VPS13D: variants seen among roughly 807,000 people sequenced by gnomAD.
VPS13D encodes the protein vacuolar protein sorting 13 homolog D.
A neutral mutation model predicts 461.9 loss-of-function variants in VPS13D; 187 were observed. The observed-to-expected ratio is 0.40, with a 90% CI of 0.36 to 0.46. The LOEUF (loss-of-function observed/expected upper bound fraction) is 0.46, where lower values mean the gene tolerates loss of function less well. VPS13D is among the 20% of genes least tolerant of loss of function. The probability of loss-of-function intolerance (pLI) is 0.60; values close to 1 mark genes in which losing one functional copy is unlikely to be tolerated. For missense variants in VPS13D, 4,711 were observed against 5,364.9 expected, an observed-to-expected ratio of 0.88 and a Z score of 3.81; for synonymous variants, 1,951 against 1,986.3, an observed-to-expected ratio of 0.98 and a Z score of 0.47.
chr1:12,385,421 A>G (rs1444886767), intron 59 of VPS13D, 48 bp downstream of exon 59: 3 of 1,496,556 alleles, frequency 2.0e-6, no homozygotes, highest in Non-Finnish European at 2.7e-6. Context: ...TCAGTTTTTT[A>G]GAATTTTACT....
chr1:12,467,288 C>G (rs1270531900), intron 67 of VPS13D, among the ~76,000 whole-genome samples: 2 of 152,246 alleles, frequency 1.3e-5, no homozygotes, highest in Non-Finnish European at 2.9e-5. Flanking sequence ...TCTCCTGCCT[C>G]AGCCTCCAAA....
intron 2 of VPS13D, among the ~76,000 whole-genome samples, chr1:12,239,454 C>G (rs1318780490): frequency 6.6e-6 from 1 of 152,176 alleles, no homozygotes; most frequent in Non-Finnish European, 1.5e-5. Flanking sequence ...TGGATTTTAG[C>G]AGGATTTCCA....
At position 12,511,655 on chromosome 1, in the gene VPS13D, C is replaced by G. The variant is rs1465782598; in HGVS notation, c.*2631C>G. 2.0e-5 allele frequency: 3 copies of G among 152,276 alleles called. No homozygotes were observed. The highest frequency in any genetic ancestry group is 4.8e-5 in the African/African-American group (2 of 41,468). 9.4% of individuals were successfully genotyped at this position (152,276 alleles called of 1,614,324 possible). A position where few individuals can be genotyped will look rare whatever the true frequency, so the allele number is the denominator to read the frequency against. On this transcript the variant is annotated 3_prime_UTR_variant, in exon 70 of 70. Transcript: ENST00000620676. This position sits in a 1 kb window ranked among gnomAD's most constrained non-coding sequence, Gnocchi z 4.5. ...AAAGCTACCCAGTCCCTTGACCCAG[C>G]ACAGTTGGCCGACCCGTGTCACTCC...
intron 1 of VPS13D, among the ~76,000 whole-genome samples, chr1:12,232,502 T>C (rs1640010418): frequency 6.6e-6 from 1 of 152,202 alleles, no homozygotes; most frequent in Non-Finnish European, 1.5e-5. Flanking sequence ...GGCTGATGAC[T>C]GACATGGTGG....
chr1:12,366,388 CT>C (rs1229025395), intron 52 of VPS13D, among the ~76,000 whole-genome samples: 1 of 152,128 alleles, frequency 6.6e-6, no homozygotes, highest in African/African-American at 2.4e-5. Flanking sequence ...CCAAGGGAGC[CT>C]ATTGGGTAGG....
At chr1:12,367,818 A>C (rs1380064529) in intron 52 of VPS13D, 1 of 152,222 alleles carries the variant, frequency 6.6e-6, no homozygotes, top group Non-Finnish European at 1.5e-5. Flanking sequence ...TGTGTTAGCC[A>C]GGATGGTCTC....
rs776264916 is a variant in VPS13D at position 12,283,728 on chromosome 1, G to A, written c.5626G>A (p.Asp1876Asn). Residue 1876 changes from aspartate (D) to asparagine (N), a missense_variant, in exon 21 of 70, where the codon GAT (aspartate) becomes AAT (asparagine). By Grantham distance (23) the Asp-to-Asn change is conservative. Coordinates refer to ENST00000620676, the MANE Select transcript of VPS13D (RefSeq NM_015378.4). ...TCAGGATCCAGTGAACACCAAACTG[G>A]ATCTCAAGGTATCCTCAGTTCCCTT... ...GLQDPVNTKL[D>N]LKVHSLSLVL... is the part of the protein sequence containing the mutation. The A allele has an allele frequency of 2.5e-6, 4 of 1,611,346 alleles. No homozygotes were observed. The highest frequency in any genetic ancestry group is 2.5e-6 in the Non-Finnish European group (3 of 1,178,164).
At chr1:12,391,894 T>C (rs1341357351) in intron 60 of VPS13D, among the ~76,000 whole-genome samples, 1 of 152,122 alleles carries the variant, frequency 6.6e-6, no homozygotes, top group African/African-American at 2.4e-5. Context: ...AGAATCTTGC[T>C]CTGTCACCCA....
At chr1:12,385,806 A>G (rs889190963) in intron 59 of VPS13D, among the ~76,000 whole-genome samples, 8 of 152,238 alleles carry the variant, frequency 5.3e-5, no homozygotes, top group Non-Finnish European at 1.2e-4. Context: ...TCAAATGCCT[A>G]TGTGTAAAAC....
chr1:12,356,580 T>A, intron 49 of VPS13D, 56 bp downstream of exon 49: 1 of 1,587,076 alleles, frequency 6.3e-7, no homozygotes, highest in Non-Finnish European at 8.6e-7. Context: ...GGGAAGAAAT[T>A]AGTAAAGGCT....
At chr1:12,442,804 G>C (rs1235529133) in intron 65 of VPS13D, among the ~76,000 whole-genome samples, 2 of 152,030 alleles carry the variant, frequency 1.3e-5, no homozygotes, top group Admixed American at 6.6e-5. Flanking sequence ...GTCTAGATTG[G>C]TCTTGAACTC....
Position 12,257,987 on chromosome 1 carries a change from G to C in VPS13D, c.994G>C (p.Glu332Gln), listed in dbSNP as rs898278527. ...ALNANLYEIR[E>Q]QRKRCTWDFM... ...GAATGCTAACTTGTATGAGATCAGA[G>C]AGCAGAGGAAACGTTGCACCTGGGA... Residue 332 changes from glutamate (E) to glutamine (Q), a missense_variant, in exon 10 of 70, where the codon GAG becomes CAG. This residue lies in a region of VPS13D where 4,411 missense variants were observed against 4,937.8 expected (regional missense o/e 0.89). Coordinates refer to ENST00000620676, the MANE Select transcript of VPS13D (RefSeq NM_015378.4). 6 of 1,614,062 alleles carry C rather than the reference G, an allele frequency of 3.7e-6. No homozygotes were observed. In the African/African-American group the frequency reaches 6.7e-5, roughly 18 times the overall value.
intron 64 of VPS13D, 72 bp downstream of exon 64, chr1:12,415,293 G>T: frequency 6.3e-7 from 1 of 1,596,274 alleles, no homozygotes; most frequent in Non-Finnish European, 8.6e-7. Context: ...GGGAATTTTG[G>T]TTACTAAGGC....
At chr1:12,419,735 G>A (rs1303361336) in intron 65 of VPS13D, among the ~76,000 whole-genome samples, 1 of 152,160 alleles carries the variant, frequency 6.6e-6, no homozygotes, top group Non-Finnish European at 1.5e-5. Flanking sequence ...CAACATTGGG[G>A]ATTATAATTC....
intron 67 of VPS13D, among the ~76,000 whole-genome samples, chr1:12,486,433 T>C (rs1020154966): frequency 6.6e-5 from 10 of 152,242 alleles, no homozygotes; most frequent in Non-Finnish European, 1.5e-4. Flanking sequence ...CCTGATCCCT[T>C]GGTCAGATGG....
intron 67 of VPS13D, among the ~76,000 whole-genome samples, chr1:12,472,821 A>G (rs1050528344): frequency 2.0e-5 from 3 of 152,318 alleles, no homozygotes; most frequent in African/African-American, 4.8e-5. Flanking sequence ...CCATTCAGCC[A>G]TGGTTCTATG....
chr1:12,436,609 T>C (rs944206167), intron 65 of VPS13D, among the ~76,000 whole-genome samples: 2 of 152,254 alleles, frequency 1.3e-5, no homozygotes, highest in Non-Finnish European at 2.9e-5. Flanking sequence ...TTATTTGTCA[T>C]GATTTGACCA....
chr1:12,400,149 G>A (rs1369056510), intron 60 of VPS13D, 32 bp from the exon 61 acceptor site: 1 of 1,603,694 alleles, frequency 6.2e-7, no homozygotes, highest in Non-Finnish European at 8.5e-7. Flanking sequence ...GTCTGTTTTT[G>A]TTTTTGCTTT....
chr1:12,397,332 A>G (rs1177536481), intron 60 of VPS13D, among the ~76,000 whole-genome samples: 1 of 152,246 alleles, frequency 6.6e-6, no homozygotes, highest in Non-Finnish European at 1.5e-5. Flanking sequence ...CAGTGCTGCA[A>G]GAAGGAATTT....
Sources: gnomAD v4.1 joint callset for allele counts (sites outside exome capture counted in the v4.1 genomes callset) on GRCh38, gnomAD v4.1.1 for gene constraint, gnomAD v4.1.1 regional missense constraint, Gnocchi (gnomAD v3.1) non-coding constraint, MANE v1.5 for transcripts, NCBI Gene and HGNC (gene_info 2026-07-23, HGNC 2026-07-21) for gene names.